SEC11A: variants seen among roughly 807,000 people sequenced by gnomAD.
SEC11A encodes the protein SEC11 homolog A, signal peptidase complex subunit.
Under a neutral mutation model 25.6 loss-of-function variants are expected in SEC11A, and 14 were observed. The ratio of observed to expected loss-of-function variants is 0.55; its 90% CI spans 0.36 to 0.85. The LOEUF (loss-of-function observed/expected upper bound fraction) is 0.85, where lower values mean the gene tolerates loss of function less well. SEC11A is among the 40% of genes least tolerant of loss of function. The pLI is 0.01. For synonymous variants in SEC11A, 83 were observed against 76.4 expected, an observed-to-expected ratio of 1.09 and a Z score of -0.45; for missense variants, 153 against 222.9, an observed-to-expected ratio of 0.69 and a Z score of 2.00.
intron 4 of SEC11A, chr15:84,671,061 G>A (rs888240705): frequency 1.2e-5 from 3 of 254,824 alleles, no homozygotes; most frequent in African/African-American, 2.2e-5. Context: ...AGATCTCCAG[G>A]TGGTGACTCT....
At chr15:84,700,791 A>G (rs1897911279) in intron 1 of SEC11A, among the ~76,000 whole-genome samples, 1 of 149,006 alleles carries the variant, frequency 6.7e-6, no homozygotes, top group African/African-American at 2.5e-5. Context: ...GACCAGCCTG[A>G]CCAACATGGA....
In SEC11A at chr15:84,687,722, G is replaced by C. The variant is rs781370037; in HGVS notation, c.214C>G (p.Arg72Gly). The C allele has an allele frequency of 4.4e-6, 7 of 1,601,882 alleles. No individual in the cohort carries two copies. The Admixed American group carries it at 5.3e-5, about 12-fold the overall frequency. The change falls in exon 3 of 6, where the codon CGA (arginine) becomes GGA (glycine). Residue 72 changes from arginine to glycine, a missense_variant. Coordinates refer to ENST00000268220, the MANE Select transcript of SEC11A (RefSeq NM_014300.4). The stretch of plus-strand genomic sequence containing the variant: ...CCCACTCGTATGGGATCTTCAACTC[G>C]ATTTGTTAGAAAGAGAAGATCTCCT... ...HRGDLLFLTN[R>G]VEDPIRVGEI...
intron 4 of SEC11A, chr15:84,672,876 G>A (rs377336000): frequency 2.5e-5 from 5 of 202,200 alleles, no homozygotes; most frequent in East Asian, 1.7e-4. Flanking sequence ...CTGCCCCGCC[G>A]CCCCGTCTGG....
chr15:84,714,178 G>C (rs1450709328), intron 1 of SEC11A, among the ~76,000 whole-genome samples: 1 of 152,126 alleles, frequency 6.6e-6, no homozygotes, highest in Non-Finnish European at 1.5e-5. Context: ...AACAGGCCCA[G>C]CTAGTATCTG....
At chr15:84,679,225 C>A (rs765562066) in intron 4 of SEC11A, 1 of 1,203,868 alleles carries the variant, frequency 8.3e-7, no homozygotes. Context: ...TAAATAATCA[C>A]ATTAGCAGCA....
chr15:84,680,339 G>A (rs557990808), intron 4 of SEC11A, among the ~76,000 whole-genome samples: 1 of 152,004 alleles, frequency 6.6e-6, no homozygotes, highest in South Asian at 2.1e-4. Flanking sequence ...TAACTTTCAT[G>A]AGGCAGGATT....
chr15:84,674,679 C>T (rs1897089402), intron 4 of SEC11A, among the ~76,000 whole-genome samples: 1 of 152,154 alleles, frequency 6.6e-6, no homozygotes, highest in Admixed American at 6.5e-5. Context: ...CCACCTCAGC[C>T]TCCCAAGGAG....
intron 1 of SEC11A, among the ~76,000 whole-genome samples, chr15:84,706,889 A>T (rs1300173426): frequency 2.0e-5 from 3 of 152,234 alleles, no homozygotes. Flanking sequence ...GCAGAAGGTC[A>T]CTGTAGTTAG....
In SEC11A at chr15:84,687,708, G is replaced by A. The variant is rs757977277; in HGVS notation, c.228C>T (p.Pro76=). The change falls in exon 3 of 6, where the codon CCC becomes CCT. Residue 76 remains proline (P), a synonymous_variant. Transcript: ENST00000268220. ...AAACAACAATTTCTCCCACTCGTATGGGATCTTCAACTCGATTTGTTAGAA... is the reference window on the plus strand; with the variant it reads ...AAACAACAATTTCTCCCACTCGTATAGGATCTTCAACTCGATTTGTTAGAA... ...LLFLTNRVED[P]IRVGEIVVFR... 7.5e-6 allele frequency: 12 copies of A among 1,603,012 alleles called. No individual in the cohort carries two copies. Among genetic ancestry groups the A allele is most frequent in the Non-Finnish European group, 1.0e-5 (12 of 1,177,166 alleles).
At chr15:84,686,213 T>A (rs1897417773) in intron 3 of SEC11A, among the ~76,000 whole-genome samples, 1 of 152,178 alleles carries the variant, frequency 6.6e-6, no homozygotes, top group Non-Finnish European at 1.5e-5. Flanking sequence ...TAAAAAAAAA[T>A]AAGCAGTCAT....
intron 1 of SEC11A, among the ~76,000 whole-genome samples, chr15:84,696,785 C>T (rs1314048840): frequency 6.6e-6 from 1 of 152,104 alleles, no homozygotes; most frequent in Non-Finnish European, 1.5e-5. Context: ...CCACAGTTCA[C>T]GTCTATTTTG....
At chr15:84,691,690 T>C in intron 1 of SEC11A, 46 bp from the exon 2 acceptor site, 1 of 1,118,112 alleles carries the variant, frequency 8.9e-7, no homozygotes, top group Non-Finnish European at 1.4e-6. Flanking sequence ...TTATCCCCAC[T>C]TCGGAAAGCA....
At chr15:84,705,347 C>T (rs1049505579) in intron 1 of SEC11A, among the ~76,000 whole-genome samples, 3 of 152,034 alleles carry the variant, frequency 2.0e-5, no homozygotes, top group Non-Finnish European at 2.9e-5. Flanking sequence ...CAGAAATGGC[C>T]TTTTCAGAAT....
intron 1 of SEC11A, among the ~76,000 whole-genome samples, chr15:84,704,440 C>CGG (rs1898037506): frequency 6.6e-6 from 1 of 152,034 alleles, no homozygotes; most frequent in Admixed American, 6.6e-5. Flanking sequence ...TCCAAATCCA[C>CGG]CCTCCTTCCT....
At chr15:84,686,895 T>C (rs8023611) in intron 3 of SEC11A, 127,360 of 151,944 alleles carry the variant, frequency 0.84, 53,737 homozygotes, top group East Asian at 0.94. Context: ...TTTTTTGAGA[T>C]GGAGTCTGGC....
At chr15:84,692,213 G>A (rs1897633021) in intron 1 of SEC11A, 1 of 151,810 alleles carries the variant, frequency 6.6e-6, no homozygotes, top group African/African-American at 2.4e-5. Context: ...TGAATTTTTA[G>A]TAGAAACTGG....
intron 1 of SEC11A, among the ~76,000 whole-genome samples, chr15:84,696,564 C>T (rs1296024004): frequency 6.6e-6 from 1 of 152,094 alleles, no homozygotes; most frequent in Admixed American, 6.6e-5. Flanking sequence ...GCTCCATAAT[C>T]CCTTACTCAA....
intron 2 of SEC11A, among the ~76,000 whole-genome samples, chr15:84,690,521 A>G (rs530078831): frequency 6.6e-6 from 1 of 152,228 alleles, no homozygotes; most frequent in African/African-American, 2.4e-5. Flanking sequence ...GGAGGCTAAA[A>G]TGGAAGGATC....
At chr15:84,695,790 T>A (rs1897751265) in intron 1 of SEC11A, among the ~76,000 whole-genome samples, 9 of 152,206 alleles carry the variant, frequency 5.9e-5, no homozygotes, top group Admixed American at 5.9e-4. Context: ...AGCGATCAAG[T>A]TTCATATTCT....
Sources: gnomAD v4.1 joint callset for allele counts (sites outside exome capture counted in the v4.1 genomes callset) on GRCh38, gnomAD v4.1.1 for gene constraint, MANE v1.5 for transcripts, NCBI Gene and HGNC (gene_info 2026-07-23, HGNC 2026-07-21) for gene names.